The following FLVCR1 variants were observed in gnomAD, a reference collection of about 807,000 sequenced individuals.
The protein encoded by FLVCR1 is FLVCR choline and heme transporter 1.
FLVCR1 carries 34 observed loss-of-function variants against 53.6 expected under a neutral mutation model. That is an observed-to-expected ratio of 0.63 (90% CI 0.48 to 0.84). The LOEUF (loss-of-function observed/expected upper bound fraction) is 0.84, where lower values mean the gene tolerates loss of function less well. FLVCR1 is among the 40% of genes least tolerant of loss of function. The probability of loss-of-function intolerance (pLI) is 0.00; values close to 1 mark genes in which losing one functional copy is unlikely to be tolerated. For missense variants in FLVCR1, 677 were observed against 696.7 expected (o/e 0.97, Z 0.32); for synonymous variants, 300 against 286.3 (o/e 1.05, Z -0.48).
chr1:212,888,710 A>G, intron 7 of FLVCR1, 116 bp downstream of exon 7: 1 of 826,096 alleles, frequency 1.2e-6, no homozygotes, highest in South Asian at 1.4e-5. Context: ...TTGGAGACAG[A>G]GTCTTGCTCA....
chr1:212,877,686 G>GTTTTTTTTT (rs56783462), intron 3 of FLVCR1, among the ~76,000 whole-genome samples: 13 of 127,160 alleles, frequency 1.0e-4, no homozygotes, highest in East Asian at 2.3e-4. Context: ...TCTGATGATA[G>GTTTTTTTTT]TTTTTTTTTT....
At chr1:212,871,191 AT>A (rs1485090051) in intron 2 of FLVCR1, among the ~76,000 whole-genome samples, 2 of 152,206 alleles carry the variant, frequency 1.3e-5, no homozygotes, top group African/African-American at 2.4e-5. Flanking sequence ...TAATTGAGAT[AT>A]GGTTATGTGA....
Position 212,896,587 on chromosome 1 carries a change from G to C in FLVCR1, c.*1297G>C, listed in dbSNP as rs1665339981. 1 of 152,084 alleles carries C rather than the reference G, an allele frequency of 6.6e-6. No homozygotes were observed. 9.4% of individuals were successfully genotyped at this position (152,084 alleles called of 1,614,324 possible). A position where few individuals can be genotyped will look rare whatever the true frequency, so the allele number is the denominator to read the frequency against. On this transcript the variant is annotated 3_prime_UTR_variant, in exon 10 of 10. Coordinates refer to ENST00000366971, the MANE Select transcript of FLVCR1 (RefSeq NM_014053.4). ...TGAGCTCATAGGGAGTATCTTCATA[G>C]TAATGACATTTGATCAGCCATAAAA...
At chr1:212,889,950 A>G (rs1027869862) in intron 8 of FLVCR1, among the ~76,000 whole-genome samples, 24 of 152,118 alleles carry the variant, frequency 1.6e-4, no homozygotes, top group Admixed American at 1.4e-3. Flanking sequence ...GAAATGGTTC[A>G]TGAAAAGTTC....
rs1461969339 is a variant in FLVCR1 at position 212,898,610 on chromosome 1, TA to T, written c.*3322del. The T allele has an allele frequency of 6.6e-6, 1 of 152,242 alleles. No homozygotes were observed. The highest frequency in any genetic ancestry group is 1.5e-5 in the Non-Finnish European group (1 of 68,038). 9.4% of individuals were successfully genotyped at this position (152,242 alleles called of 1,614,324 possible). ...TATGTGACAATGCAAAATGAATTGA[TA>T]ATTTTTCTGTATTTTGAGTGAAAGT... On this transcript the variant is annotated 3_prime_UTR_variant, in exon 10 of 10. Coordinates refer to ENST00000366971, the MANE Select transcript of FLVCR1 (RefSeq NM_014053.4).
chr1:212,861,531 G>C (rs1046504697), intron 1 of FLVCR1, among the ~76,000 whole-genome samples: 1 of 152,116 alleles, frequency 6.6e-6, no homozygotes, highest in Non-Finnish European at 1.5e-5. Context: ...ATTCTGAAGA[G>C]TATTCTAGAT....
At chr1:212,865,828 T>C (rs1429005252) in intron 2 of FLVCR1, among the ~76,000 whole-genome samples, 1 of 149,634 alleles carries the variant, frequency 6.7e-6, no homozygotes, top group Non-Finnish European at 1.5e-5. Flanking sequence ...TTTTTTTTTT[T>C]TTATCAAGAC....
chr1:212,862,026 T>G (rs927982012), intron 1 of FLVCR1, among the ~76,000 whole-genome samples: 4 of 152,188 alleles, frequency 2.6e-5, no homozygotes, highest in Non-Finnish European at 4.4e-5. Context: ...TGACTATCTC[T>G]GCCTCAGACT....
Position 212,877,562 on chromosome 1 carries a change from A to G in FLVCR1, c.1024+4744A>G, listed in dbSNP as rs1217319811. Among the ~76,000 whole-genome samples, 3 of 151,884 alleles carry G rather than the reference A, an allele frequency of 2.0e-5. No individual in the cohort carries two copies. In the East Asian group the frequency reaches 5.8e-4, roughly 29 times the overall value. On this transcript the variant is annotated intron_variant, in intron 3 of 9. Coordinates refer to ENST00000366971, the MANE Select transcript of FLVCR1 (RefSeq NM_014053.4). ...GTTCATGTTCTTTGCCCACTTTTTA[A>G]TGAGGTTTTTTTTTCTTGTAAATTT...
rs1039149046 is a variant in FLVCR1 at position 212,897,148 on chromosome 1, G to C, written c.*1858G>C. 2 of 150,584 alleles carry C rather than the reference G, an allele frequency of 1.3e-5. No individual in the cohort carries two copies. The highest frequency in any genetic ancestry group is 2.9e-5 in the Non-Finnish European group (2 of 67,854). The allele number at this position is 150,584 out of a possible 1,614,324, so 9.3% of individuals were successfully genotyped here. A position where few individuals can be genotyped will look rare whatever the true frequency, so the allele number is the denominator to read the frequency against. On this transcript the variant is annotated 3_prime_UTR_variant, in exon 10 of 10. Coordinates refer to ENST00000366971, the MANE Select transcript of FLVCR1 (RefSeq NM_014053.4). ...CACACTACTGCACTCCAGCCTGGGA[G>C]ATAAAGTGAGACTGTCTCAAATAAA...
At chr1:212,885,132 C>T (rs755610587) in intron 4 of FLVCR1, among the ~76,000 whole-genome samples, 161 bp from the exon 5 acceptor site, 1 of 152,068 alleles carries the variant, frequency 6.6e-6, no homozygotes, top group Non-Finnish European at 1.5e-5. Context: ...ATATTCTTTA[C>T]CTGCCCTCCC....
intron 3 of FLVCR1, among the ~76,000 whole-genome samples, chr1:212,873,321 T>A (rs67596413): frequency 0.46 from 68,522 of 149,404 alleles, 16,902 homozygotes; most frequent in East Asian, 0.56. Context: ...AAAAAAAAAA[T>A]AAAAGAAAGA....
chr1:212,875,087 C>T (rs776341489), intron 3 of FLVCR1, among the ~76,000 whole-genome samples: 54 of 152,204 alleles, frequency 3.5e-4, no homozygotes, highest in Non-Finnish European at 5.0e-4. Context: ...TGTTCATTTT[C>T]GTGTTCATTC....
chr1:212,863,607 G>GT (rs1380702187), intron 1 of FLVCR1, 118 bp from the exon 2 acceptor site: 1 of 833,226 alleles, frequency 1.2e-6, no homozygotes, highest in African/African-American at 1.7e-5. Context: ...GAACATAATA[G>GT]TTTAATTTTC....
At chr1:212,893,078 C>T (rs12136542) in intron 8 of FLVCR1, among the ~76,000 whole-genome samples, 58,630 of 141,740 alleles carry the variant, frequency 0.41, 13,487 homozygotes, top group South Asian at 0.56. Context: ...GGGGGGGTGC[C>T]GGAATGTTGC....
intron 2 of FLVCR1, among the ~76,000 whole-genome samples, chr1:212,866,279 C>T (rs1664426238): frequency 1.3e-5 from 2 of 152,018 alleles, no homozygotes; most frequent in African/African-American, 2.4e-5. Context: ...GCCACCGAGC[C>T]CGGCCTTTTT....
At chr1:212,859,718 AAATAAT>A (rs908075287) in intron 1 of FLVCR1, among the ~76,000 whole-genome samples, 6 of 150,022 alleles carry the variant, frequency 4.0e-5, no homozygotes, top group Non-Finnish European at 7.4e-5. Context: ...ACTCTGTCTC[AAATAAT>A]AATAATAAAC....
intron 3 of FLVCR1, among the ~76,000 whole-genome samples, chr1:212,873,748 C>A (rs1415791816): frequency 6.6e-6 from 1 of 152,228 alleles, no homozygotes; most frequent in African/African-American, 2.4e-5. Context: ...AAATCACTCA[C>A]TGCTATTCTC....
chr1:212,865,702 A>T (rs4418676), intron 2 of FLVCR1, among the ~76,000 whole-genome samples: 3 of 151,596 alleles, frequency 2.0e-5, no homozygotes, highest in African/African-American at 7.3e-5. Flanking sequence ...GGTTGGTCTC[A>T]AACTCCTGAC....
Sources: allele counts gnomAD v4.1 joint callset (sites outside exome capture counted in the v4.1 genomes callset), GRCh38; gene constraint gnomAD v4.1.1; transcripts MANE v1.5; gene names NCBI Gene and HGNC (gene_info 2026-07-23, HGNC 2026-07-21).